FBXO15: variants seen among roughly 807,000 people sequenced by gnomAD.
FBXO15 encodes the protein F-box only protein 15.
A neutral mutation model predicts 49.5 loss-of-function variants in FBXO15; 30 were observed. The observed-to-expected ratio is 0.61, with a 90% confidence interval of 0.45 to 0.82. The LOEUF (loss-of-function observed/expected upper bound fraction) is 0.82. FBXO15 is among the 40% of genes least tolerant of loss of function. The pLI, the probability that FBXO15 is intolerant of heterozygous loss-of-function variation, is 0.00. For missense variants in FBXO15, 591 were observed against 631.5 expected (o/e 0.94, Z 0.69); for synonymous variants, 250 against 232.7 (o/e 1.07, Z -0.68).
At chr18:74,088,240 C>T (rs566929874) in intron 8 of FBXO15, among the ~76,000 whole-genome samples, 2 of 152,240 alleles carry the variant, frequency 1.3e-5, no homozygotes, top group Admixed American at 1.3e-4. Context: ...GGTTTTGTTG[C>T]AATTATTTTT....
intron 5 of FBXO15, among the ~76,000 whole-genome samples, chr18:74,127,427 T>A (rs933295911): frequency 6.6e-6 from 1 of 152,114 alleles, no homozygotes; most frequent in Non-Finnish European, 1.5e-5. Flanking sequence ...AAATTTGGAG[T>A]CTGACTAGAA....
chr18:74,134,412 C>T (rs1248330168), intron 3 of FBXO15, among the ~76,000 whole-genome samples: 3 of 149,122 alleles, frequency 2.0e-5, no homozygotes, highest in Non-Finnish European at 4.4e-5. Flanking sequence ...GCTCTGTCAC[C>T]CAGGCTAGAG....
At chr18:74,115,846 C>A (rs772495473) in intron 8 of FBXO15, among the ~76,000 whole-genome samples, 30 of 152,098 alleles carry the variant, frequency 2.0e-4, no homozygotes, top group Non-Finnish European at 2.4e-4. Flanking sequence ...ACAGAAAAAT[C>A]TGGAACTGCA....
chr18:74,116,700 C>G (rs1411872594), intron 8 of FBXO15, among the ~76,000 whole-genome samples: 1 of 152,170 alleles, frequency 6.6e-6, no homozygotes, highest in Non-Finnish European at 1.5e-5. Flanking sequence ...CACCCCTCCC[C>G]ACTCATGCTT....
Position 74,102,156 on chromosome 18 carries a change from CAGTT to C in FBXO15, c.1139-20109_1139-20106del, listed in dbSNP as rs767528042. On this transcript the variant is annotated intron_variant, in intron 8 of 9. Transcript: ENST00000419743. ...AAAGAGCTTTTTCACGGCAAAAGAA[CAGTT>C]AGTAAACAGACAACCTACAGAGTGG... 6.6e-5 allele frequency among the ~76,000 whole-genome samples: 10 copies of C among 150,988 alleles called. No homozygotes were observed. In the East Asian group the frequency reaches 1.9e-3, roughly 29 times the overall value.
intron 1 of FBXO15, among the ~76,000 whole-genome samples, chr18:74,141,843 G>C (rs1281701053): frequency 2.0e-5 from 3 of 152,150 alleles, no homozygotes; most frequent in Non-Finnish European, 4.4e-5. Flanking sequence ...TCACCCACTG[G>C]CACCTGGCTG....
At chr18:74,141,604 C>A (rs1979081858) in intron 1 of FBXO15, among the ~76,000 whole-genome samples, 1 of 152,112 alleles carries the variant, frequency 6.6e-6, no homozygotes, top group Non-Finnish European at 1.5e-5. Context: ...AAAAGAGATG[C>A]CTTAAGAACT....
At chr18:74,091,675 G>C (rs1237583373) in intron 8 of FBXO15, among the ~76,000 whole-genome samples, 1 of 152,120 alleles carries the variant, frequency 6.6e-6, no homozygotes, top group Non-Finnish European at 1.5e-5. Context: ...CAAATTCTTA[G>C]TTGAAAATTA....
At chr18:74,100,253 T>C (rs1453286932) in intron 8 of FBXO15, among the ~76,000 whole-genome samples, 1 of 151,942 alleles carries the variant, frequency 6.6e-6, no homozygotes, top group Admixed American at 6.6e-5. Context: ...GGAAATCAAC[T>C]CCAAAAGAAA....
At chr18:74,103,420 T>C (rs1160746937) in intron 8 of FBXO15, among the ~76,000 whole-genome samples, 3 of 151,230 alleles carry the variant, frequency 2.0e-5, no homozygotes, top group Non-Finnish European at 4.4e-5. Flanking sequence ...TGGTGTTCGA[T>C]TGAAAGTTGA....
intron 3 of FBXO15, among the ~76,000 whole-genome samples, chr18:74,132,025 C>T (rs571916623): frequency 6.6e-5 from 10 of 151,710 alleles, no homozygotes; most frequent in African/African-American, 2.4e-4. Context: ...TACAGTCAGA[C>T]CCTGGTTGAA....
chr18:74,093,915 C>T (rs774441800), intron 8 of FBXO15, among the ~76,000 whole-genome samples: 22 of 152,158 alleles, frequency 1.4e-4, no homozygotes, highest in Non-Finnish European at 2.5e-4. Context: ...AAACTATAGA[C>T]TTATAAAACT....
chr18:74,146,637 G>T (rs1979430013), intron 1 of FBXO15, among the ~76,000 whole-genome samples: 1 of 152,146 alleles, frequency 6.6e-6, no homozygotes, highest in Admixed American at 6.5e-5. Flanking sequence ...TTGTGACAAG[G>T]CTTGTGGTAT....
chr18:74,146,783 A>G (rs3813121), intron 1 of FBXO15, among the ~76,000 whole-genome samples: 13,338 of 152,142 alleles, frequency 0.088, 1,069 homozygotes, highest in African/African-American at 0.21. Context: ...ATTCAGGGGG[A>G]AAAAACAAGT....
At position 74,116,595 on chromosome 18, in the gene FBXO15, A is replaced by C. The variant is rs962386481; in HGVS notation, c.1138+6773T>G. Among the ~76,000 whole-genome samples, 3 of 152,250 alleles carry C rather than the reference A, an allele frequency of 2.0e-5. No individual in the cohort carries two copies. In the East Asian group the frequency reaches 5.8e-4, roughly 29 times the overall value. On this transcript the variant is annotated intron_variant, in intron 8 of 9. Coordinates refer to ENST00000419743, the MANE Select transcript of FBXO15 (RefSeq NM_001142958.2). ...CTACTACCTCGGCCTGGACCCTCCC[A>C]GTAACCTGTCTGGACACTGCAACTG...
rs774010341 is a variant in FBXO15 at position 74,135,745 on chromosome 18, C to G, written c.332+17G>C. ...AACTGTCATCAAAACATAACAGAGA[C>G]TTGGATTTCTGCTTACTTGTCATTG... On this transcript the variant is annotated intron_variant, in intron 3 of 9. Coordinates refer to ENST00000419743, the MANE Select transcript of FBXO15 (RefSeq NM_001142958.2). 7.0e-6 allele frequency: 11 copies of G among 1,578,610 alleles called. No individual in the cohort carries two copies.
intron 8 of FBXO15, among the ~76,000 whole-genome samples, chr18:74,120,201 T>C (rs1914415042): frequency 6.6e-6 from 1 of 152,136 alleles, no homozygotes; most frequent in African/African-American, 2.4e-5. Context: ...AAAATACACA[T>C]GGCAAAAACT....
At chr18:74,144,743 C>T (rs2145235293) in intron 1 of FBXO15, among the ~76,000 whole-genome samples, 1 of 152,196 alleles carries the variant, frequency 6.6e-6, no homozygotes, top group African/African-American at 2.4e-5. Flanking sequence ...GTTGATTTTG[C>T]AGACAAAGAA....
chr18:74,092,675 A>G (rs543147752), intron 8 of FBXO15, among the ~76,000 whole-genome samples: 61 of 152,268 alleles, frequency 4.0e-4, no homozygotes, highest in African/African-American at 1.4e-3. Context: ...CCTAGGCTGC[A>G]TGTTTTAACT....
Sources: allele counts gnomAD v4.1 joint callset (sites outside exome capture counted in the v4.1 genomes callset), GRCh38; gene constraint gnomAD v4.1.1; transcripts MANE v1.5; gene names NCBI Gene and HGNC (gene_info 2026-07-23, HGNC 2026-07-21).